The following AK5 variants were observed in gnomAD, a reference collection of about 807,000 sequenced individuals.
The protein encoded by AK5 is adenylate kinase 5, also known as adenylate kinase isoenzyme 5.
In AK5, 27 loss-of-function variants were observed where a neutral mutation model predicts 69.5. The observed-to-expected ratio is 0.39, with a 90% CI of 0.29 to 0.54. AK5 has a LOEUF of 0.54. Among genes scored for constraint, AK5 ranks in the 20% least tolerant of loss-of-function variants. AK5 has a pLI of 0.71. For synonymous variants in AK5, 260 were observed against 244.4 expected (o/e 1.06, Z -0.60); for missense variants, 531 against 700.4 (o/e 0.76, Z 2.73).
Position 77,558,810 on chromosome 1 carries a change from T to C in AK5, c.*140T>C. 4 of 649,728 alleles carry C rather than the reference T, an allele frequency of 6.2e-6. No individual in the cohort carries two copies. The highest frequency in any genetic ancestry group is 1.1e-5 in the Non-Finnish European group (4 of 356,936). 40.2% of individuals were successfully genotyped at this position (649,728 alleles called of 1,614,324 possible). ...CCTAAATCCTGACAGCACTGTTTGC[T>C]TCCCAGCTAGACCTGTGTGAGAGGT... On this transcript the variant is annotated 3_prime_UTR_variant, in exon 14 of 14. Coordinates refer to ENST00000354567, the MANE Select transcript of AK5 (RefSeq NM_174858.3).
chr1:77,383,599 A>G (rs1426104620), intron 6 of AK5, among the ~76,000 whole-genome samples: 1 of 152,224 alleles, frequency 6.6e-6, no homozygotes, highest in Non-Finnish European at 1.5e-5. Context: ...TGAAACCTTC[A>G]TGGGAAAAGC....
intron 8 of AK5, among the ~76,000 whole-genome samples, chr1:77,475,455 CAAATATATATTATATATGTA>C (rs1654856095): frequency 1.2e-3 from 5 of 4,258 alleles, no homozygotes; most frequent in South Asian, 0.013. Flanking sequence ...TATATATATA[CAAATATATATTATATATGTA>C]TATATATTAT....
intron 12 of AK5, among the ~76,000 whole-genome samples, chr1:77,522,808 G>A (rs1309540301): frequency 6.6e-6 from 1 of 152,156 alleles, no homozygotes; most frequent in African/African-American, 2.4e-5. Flanking sequence ...ATACTGACTT[G>A]AGAACTTAAA....
chr1:77,307,497 G>A (rs957715213), intron 5 of AK5, among the ~76,000 whole-genome samples: 7 of 151,832 alleles, frequency 4.6e-5, no homozygotes, highest in African/African-American at 1.5e-4. Flanking sequence ...ATTTTTTAAT[G>A]TTTTAAGACT....
At chr1:77,371,731 C>T (rs1229361155) in intron 6 of AK5, among the ~76,000 whole-genome samples, 2 of 152,128 alleles carry the variant, frequency 1.3e-5, no homozygotes, top group Non-Finnish European at 2.9e-5. Flanking sequence ...AGATAAGGAG[C>T]TTGGCATTTA....
intron 13 of AK5, among the ~76,000 whole-genome samples, chr1:77,554,862 C>T (rs1011722225): frequency 3.3e-5 from 5 of 151,628 alleles, no homozygotes; most frequent in South Asian, 4.2e-4. Flanking sequence ...GTGATCCACC[C>T]GCCTTGGCCT....
chr1:77,540,925 G>C (rs893251601), intron 13 of AK5, among the ~76,000 whole-genome samples: 3 of 151,394 alleles, frequency 2.0e-5, no homozygotes, highest in East Asian at 3.9e-4. Context: ...TTTTTTTTTA[G>C]AGATGGAGTC....
At chr1:77,352,223 C>T (rs367697773) in intron 6 of AK5, among the ~76,000 whole-genome samples, 9 of 152,204 alleles carry the variant, frequency 5.9e-5, no homozygotes, top group African/African-American at 1.9e-4. Context: ...CCACCATGCC[C>T]GGCCCATTTG....
At chr1:77,470,397 C>T (rs776868981) in intron 8 of AK5, among the ~76,000 whole-genome samples, 3 of 152,040 alleles carry the variant, frequency 2.0e-5, no homozygotes, top group Non-Finnish European at 4.4e-5. Context: ...CCCAGCTACT[C>T]GGATGGCTGA....
intron 8 of AK5, among the ~76,000 whole-genome samples, chr1:77,438,256 C>T (rs1652076078): frequency 7.4e-6 from 1 of 134,924 alleles, no homozygotes; most frequent in Non-Finnish European, 1.5e-5. Flanking sequence ...TTGAGAGCCT[C>T]TACATACCAG....
chr1:77,493,918 A>C (rs1656147345), intron 10 of AK5, among the ~76,000 whole-genome samples: 1 of 152,248 alleles, frequency 6.6e-6, no homozygotes, highest in Non-Finnish European at 1.5e-5. Flanking sequence ...AAAGGGTTCC[A>C]AGTAATGTTG....
At chr1:77,529,624 T>C (rs1212121006) in intron 12 of AK5, among the ~76,000 whole-genome samples, 2 of 152,188 alleles carry the variant, frequency 1.3e-5, no homozygotes, top group South Asian at 4.1e-4. Flanking sequence ...TATAGATTCT[T>C]ACCATCTTGA....
At chr1:77,391,668 A>C (rs1055653313) in intron 6 of AK5, among the ~76,000 whole-genome samples, 4 of 151,808 alleles carry the variant, frequency 2.6e-5, no homozygotes. Flanking sequence ...AATAATAACC[A>C]GCATCTAGAA....
chr1:77,480,908 T>C (rs887935292), intron 8 of AK5, among the ~76,000 whole-genome samples: 1 of 152,192 alleles, frequency 6.6e-6, no homozygotes, highest in Non-Finnish European at 1.5e-5. Flanking sequence ...AAGTGCATTA[T>C]TAGGGAGCCC....
chr1:77,360,278 A>G (rs1646839875), intron 6 of AK5, among the ~76,000 whole-genome samples: 1 of 152,128 alleles, frequency 6.6e-6, no homozygotes, highest in Non-Finnish European at 1.5e-5. Context: ...TGTGAGAGAA[A>G]ATGAGAATTG....
intron 8 of AK5, among the ~76,000 whole-genome samples, chr1:77,455,165 G>A (rs911539320): frequency 6.6e-6 from 1 of 151,380 alleles, no homozygotes; most frequent in African/African-American, 2.4e-5. Context: ...AAAACATCTA[G>A]TATATCGCTA....
At position 77,466,319 on chromosome 1, in the gene AK5, G is replaced by A. The variant is rs114618837; in HGVS notation, c.1060-16998G>A. 2.3e-3 allele frequency among the ~76,000 whole-genome samples: 352 copies of A among 152,260 alleles called. 3 individuals are homozygous for A. Among genetic ancestry groups the A allele is most frequent in the African/African-American group, 8.2e-3 (342 of 41,554 alleles). On this transcript the variant is annotated intron_variant, in intron 8 of 13. Transcript: ENST00000354567. ...CAGCCCAATCCAGATCAGAGCTCCT[G>A]TTTTAATCATCCTAGAACTCTATAC...
intron 8 of AK5, among the ~76,000 whole-genome samples, chr1:77,477,800 T>G (rs1345154040): frequency 6.6e-6 from 1 of 152,170 alleles, no homozygotes; most frequent in Non-Finnish European, 1.5e-5. Flanking sequence ...CCCTTTCTCA[T>G]AACCCCATTT....
intron 2 of AK5, 52 bp from the exon 3 acceptor site, chr1:77,293,741 G>A (rs1244746123): frequency 6.9e-7 from 1 of 1,457,280 alleles, no homozygotes; most frequent in Non-Finnish European, 9.3e-7. Flanking sequence ...AGTGTGAAGA[G>A]TGTTTTATTA....
Sources: gnomAD v4.1 joint callset for allele counts (sites outside exome capture counted in the v4.1 genomes callset) on GRCh38, gnomAD v4.1.1 for gene constraint, MANE v1.5 for transcripts, NCBI Gene and HGNC (gene_info 2026-07-23, HGNC 2026-07-21) for gene names.